DMD: variants seen among roughly 807,000 people sequenced by gnomAD.
DMD encodes the protein mutant dystrophin.
Under a neutral mutation model 330.1 loss-of-function variants are expected in DMD, and 63 were observed. The observed-to-expected ratio is 0.19, with a 90% CI of 0.16 to 0.24. The LOEUF is 0.24. DMD is among the 10% of genes least tolerant of loss of function. DMD has a pLI of 1.00. For synonymous variants in DMD, 1,223 were observed against 959.8 expected (o/e 1.27, Z -5.07); for missense variants, 3,344 against 2,684.1 (o/e 1.25, Z -5.43).
chrX:32,016,713 G>A (rs2095763840), intron 44 of DMD, among the ~76,000 whole-genome samples: 3 of 112,435 alleles, frequency 2.7e-5, no homozygotes, highest in African/African-American at 9.7e-5. Context: ...ACAAGTGTGT[G>A]TGCTAGCCCT....
At chrX:33,057,301 T>C (rs1439211703) in intron 1 of DMD, among the ~76,000 whole-genome samples, 1 of 111,885 alleles carries the variant, frequency 8.9e-6, no homozygotes, top group Admixed American at 9.5e-5. Flanking sequence ...TAAAGCCACA[T>C]CCACTGATAG....
intron 21 of DMD, among the ~76,000 whole-genome samples, chrX:32,480,592 T>G (rs1207611127): frequency 9.0e-6 from 1 of 111,565 alleles, no homozygotes; most frequent in Non-Finnish European, 1.9e-5. Context: ...TTACACAGTA[T>G]GTGTCTGTGT....
intron 55 of DMD, among the ~76,000 whole-genome samples, chrX:31,530,330 A>G (rs1386847902): frequency 2.7e-5 from 3 of 112,028 alleles, no homozygotes; most frequent in Admixed American, 9.5e-5. Flanking sequence ...ATGGTATATT[A>G]TACACATCAG....
intron 16 of DMD, among the ~76,000 whole-genome samples, chrX:32,549,492 T>C (rs1486501805): frequency 9.0e-6 from 1 of 111,487 alleles, no homozygotes; most frequent in Non-Finnish European, 1.9e-5. Context: ...ATGTAGCCAG[T>C]CCTGGTTTTG....
chrX:31,338,241 G>A (rs748996406), intron 61 of DMD, among the ~76,000 whole-genome samples: 2 of 104,565 alleles, frequency 1.9e-5, no homozygotes, highest in Non-Finnish European at 3.9e-5. Flanking sequence ...CGAGGCAGGC[G>A]GATCAGGAGA....
At chrX:32,414,936 A>G (rs1200016450) in intron 29 of DMD, among the ~76,000 whole-genome samples, 1 of 111,852 alleles carries the variant, frequency 8.9e-6, no homozygotes, top group Non-Finnish European at 1.9e-5. Context: ...GTAATTTACT[A>G]TTTCAGATAA....
chrX:31,119,553 A>C lies in DMD; in HGVS notation c.*2366T>G, dbSNP rs1207152278. On this transcript the variant is annotated 3_prime_UTR_variant, in exon 79 of 79. Coordinates refer to ENST00000357033, the MANE Select transcript of DMD (RefSeq NM_004006.3). ...AAATTAATTATGCTTAAAATGCAGCAATAAAGCTCTCAATTTTTGTTCAAA... is the reference window on the plus strand; with the variant it reads ...AAATTAATTATGCTTAAAATGCAGCCATAAAGCTCTCAATTTTTGTTCAAA... The C allele has an allele frequency of 8.9e-6, 1 of 112,585 alleles. No individual in the cohort carries two copies. Among genetic ancestry groups the C allele is most frequent in the African/African-American group, 3.2e-5 (1 of 30,978 alleles). The allele number at this position is 112,585 out of a possible 1,213,427, so 9.3% of individuals were successfully genotyped here. A position where few individuals can be genotyped will look rare whatever the true frequency, so the allele number is the denominator to read the frequency against.
chrX:33,291,608 A>C (rs749544195), intron 1 of DMD, among the ~76,000 whole-genome samples: 1 of 111,595 alleles, frequency 9.0e-6, no homozygotes, highest in African/African-American at 3.2e-5. Context: ...AAATAAAAAG[A>C]GAAATACTTA....
chrX:32,330,950 C>A (rs895255660), intron 41 of DMD, among the ~76,000 whole-genome samples: 5 of 111,264 alleles, frequency 4.5e-5, no homozygotes, highest in Admixed American at 3.9e-4. Context: ...CGATCACTAC[C>A]CCCATCATCA....
intron 16 of DMD, among the ~76,000 whole-genome samples, chrX:32,549,847 G>A (rs1445511755): frequency 9.0e-6 from 1 of 111,390 alleles, no homozygotes; most frequent in Non-Finnish European, 1.9e-5. Context: ...TTTAAAAAAT[G>A]CACATTTAAA....
chrX:31,152,243 AACC>A (rs1276523103), intron 74 of DMD, among the ~76,000 whole-genome samples: 16 of 105,923 alleles, frequency 1.5e-4, no homozygotes, highest in Non-Finnish European at 3.1e-4. Context: ...CGCTCACTGC[AACC>A]ACCACCTCCT....
At chrX:33,286,652 G>GTATA (rs1257850031) in intron 1 of DMD, among the ~76,000 whole-genome samples, 2 of 111,971 alleles carry the variant, frequency 1.8e-5, no homozygotes, top group Non-Finnish European at 3.8e-5. Context: ...GTGTATGTAT[G>GTATA]TGTGTATGTT....
chrX:31,263,318 T>G (rs886226848), intron 62 of DMD, among the ~76,000 whole-genome samples: 1 of 112,293 alleles, frequency 8.9e-6, no homozygotes, highest in African/African-American at 3.2e-5. Flanking sequence ...GTGTACAATT[T>G]ACAGGAGAAT....
At chrX:32,795,927 G>T (rs958780648) in intron 7 of DMD, among the ~76,000 whole-genome samples, 4 of 111,368 alleles carry the variant, frequency 3.6e-5, no homozygotes, top group African/African-American at 1.3e-4. Flanking sequence ...AGTTAGAATG[G>T]CTATTATTAA....
At chrX:32,817,598 A>G (rs184425198) in intron 5 of DMD, among the ~76,000 whole-genome samples, 1 of 112,178 alleles carries the variant, frequency 8.9e-6, no homozygotes, top group African/African-American at 3.2e-5. Flanking sequence ...GAAGACATCT[A>G]TGTAAAAGTG....
chrX:31,147,822 C>T (rs1043097699), intron 74 of DMD, among the ~76,000 whole-genome samples: 1 of 111,012 alleles, frequency 9.0e-6, no homozygotes, highest in African/African-American at 3.3e-5. Context: ...AAGTAAGCAG[C>T]AAAGGATTTA....
intron 2 of DMD, among the ~76,000 whole-genome samples, chrX:32,879,060 T>C (rs1344740801): frequency 9.4e-6 from 1 of 106,004 alleles, no homozygotes; most frequent in Non-Finnish European, 2.0e-5. Context: ...CTAATATTTG[T>C]ATATTAATAT....
chrX:33,320,861 A>AT (rs1308438461), intron 1 of DMD, among the ~76,000 whole-genome samples: 2 of 112,353 alleles, frequency 1.8e-5, no homozygotes, highest in Non-Finnish European at 3.8e-5. Context: ...CATCTCAACA[A>AT]TGTTCTCAGC....
intron 44 of DMD, among the ~76,000 whole-genome samples, chrX:32,099,748 G>T (rs1237142169): frequency 4.4e-5 from 3 of 68,949 alleles, no homozygotes; most frequent in Non-Finnish European, 7.8e-5. Flanking sequence ...GTTGTGGGGT[G>T]GGGGGAGGGG....
Sources: gnomAD v4.1 joint callset for allele counts (sites outside exome capture counted in the v4.1 genomes callset) on GRCh38, gnomAD v4.1.1 for gene constraint, MANE v1.5 for transcripts, NCBI Gene and HGNC (gene_info 2026-07-23, HGNC 2026-07-21) for gene names.